Variants in TAMM41 observed in about 807,000 individuals in gnomAD.
TAMM41 encodes the protein phosphatidate cytidylyltransferase, mitochondrial.
Under a neutral mutation model 44.1 loss-of-function variants are expected in TAMM41, and 36 were observed. That is an observed-to-expected ratio of 0.82 (90% confidence interval 0.63 to 1.08). The LOEUF is 1.08. TAMM41 is among the 50% of genes least tolerant of loss of function. TAMM41 has a pLI of 0.00. For missense variants in TAMM41, 417 were observed against 404.3 expected (o/e 1.03, Z -0.27); for synonymous variants, 164 against 153.1 (o/e 1.07, Z -0.53).
At chr3:11,740,998 A>C in the TAMM41 span, among the ~76,000 whole-genome samples, 1 of 141,284 alleles carries the variant, frequency 7.1e-6, no homozygotes, top group African/African-American at 2.8e-5. Context: ...AGGTGGATGG[A>C]TTACGAGGTC....
chr3:11,809,158 T>C (rs2078011283), intron 6 of TAMM41: 2 of 313,816 alleles, frequency 6.4e-6, no homozygotes, highest in Non-Finnish European at 1.2e-5. Flanking sequence ...GTGTTCTCGA[T>C]GTTATAAAAG....
chr3:11,725,436 C>CCTTCTCCTT, the TAMM41 span, among the ~76,000 whole-genome samples: 1 of 138,524 alleles, frequency 7.2e-6, no homozygotes, highest in Non-Finnish European at 1.5e-5. Flanking sequence ...TCCTCCTCCT[C>CCTTCTCCTT]CTCCTCCTCC....
the TAMM41 span, among the ~76,000 whole-genome samples, chr3:11,780,169 T>C: frequency 1.3e-5 from 2 of 152,206 alleles, no homozygotes; most frequent in Non-Finnish European, 2.9e-5. Context: ...GGCTCTCCAT[T>C]GCTCTGGGGA....
At chr3:11,800,165 T>C (rs1486377017) in intron 7 of TAMM41, among the ~76,000 whole-genome samples, 3 of 151,996 alleles carry the variant, frequency 2.0e-5, no homozygotes, top group Non-Finnish European at 2.9e-5. Flanking sequence ...ACAGTTCTTA[T>C]AAAACAATCT....
chr3:11,840,281 G>A (rs945720206), intron 2 of TAMM41, among the ~76,000 whole-genome samples: 16 of 150,564 alleles, frequency 1.1e-4, no homozygotes, highest in Admixed American at 6.6e-5. Flanking sequence ...CACCCAGGCT[G>A]GAGTGCACTG....
intron 2 of TAMM41, among the ~76,000 whole-genome samples, chr3:11,841,849 C>T (rs1329012615): frequency 6.6e-6 from 1 of 152,198 alleles, no homozygotes; most frequent in Non-Finnish European, 1.5e-5. Flanking sequence ...AAACTAGCTG[C>T]ACAACCTTAT....
At chr3:11,837,231 T>C (rs897420458) in intron 3 of TAMM41, among the ~76,000 whole-genome samples, 1 of 152,154 alleles carries the variant, frequency 6.6e-6, no homozygotes, top group Non-Finnish European at 1.5e-5. Flanking sequence ...AGCACATCAC[T>C]GTTGGGGGAG....
the TAMM41 span, among the ~76,000 whole-genome samples, chr3:11,777,170 T>C: frequency 2.0e-5 from 3 of 152,236 alleles, no homozygotes; most frequent in Admixed American, 2.0e-4. Flanking sequence ...GATATGGGTA[T>C]GCTAATTAAC....
the TAMM41 span, among the ~76,000 whole-genome samples, chr3:11,754,248 C>T: frequency 6.6e-6 from 1 of 152,210 alleles, no homozygotes; most frequent in African/African-American, 2.4e-5. Flanking sequence ...CTCCCTGTGT[C>T]TCCAGCTCAG....
chr3:11,741,527 G>C, the TAMM41 span, among the ~76,000 whole-genome samples: 1 of 149,942 alleles, frequency 6.7e-6, no homozygotes, highest in Non-Finnish European at 1.5e-5. Flanking sequence ...ATGGCAATCA[G>C]AACACATTTC....
At chr3:11,755,157 A>G in the TAMM41 span, among the ~76,000 whole-genome samples, 3 of 150,796 alleles carry the variant, frequency 2.0e-5, no homozygotes, top group Non-Finnish European at 4.4e-5. Context: ...ACTTTGGCAG[A>G]CAGCAAAGCC....
intron 1 of TAMM41, among the ~76,000 whole-genome samples, chr3:11,844,733 T>TTATAAC (rs2079597815): frequency 6.6e-6 from 1 of 152,232 alleles, no homozygotes; most frequent in Admixed American, 6.5e-5. Flanking sequence ...AGGAAGTCAG[T>TTATAAC]TATTTTATCT....
intron 7 of TAMM41, among the ~76,000 whole-genome samples, chr3:11,798,003 G>A (rs993354573): frequency 1.3e-5 from 2 of 152,168 alleles, no homozygotes; most frequent in African/African-American, 2.4e-5. Flanking sequence ...AACAACAGAA[G>A]CTGGTGAGGT....
intron 1 of TAMM41, among the ~76,000 whole-genome samples, chr3:11,844,542 G>T (rs2079588247): frequency 6.6e-6 from 1 of 152,122 alleles, no homozygotes; most frequent in Non-Finnish European, 1.5e-5. Flanking sequence ...AAGGCACAGG[G>T]GATGCTCTTT....
chr3:11,724,337 A>G, the TAMM41 span, among the ~76,000 whole-genome samples: 2 of 152,086 alleles, frequency 1.3e-5, no homozygotes, highest in Non-Finnish European at 2.9e-5. Flanking sequence ...TCCTGACCTC[A>G]GGTGATCAAC....
chr3:11,839,230 G>A lies in TAMM41; in HGVS notation c.403C>T (p.Gln135Ter). ...WNNLYIAGRL[Q>*]KPVKIISVNE... ...GCCTATAAAACACTCACCGGTTTTT[G>A]GAGTCGTCCAGCAATGTATAAGTTA... The change falls in exon 3 of 8, where the codon CAA becomes TAA. Residue 135 changes from glutamine (Q) to a stop codon, truncating the protein, a stop_gained. Coordinates refer to ENST00000455809, the MANE Select transcript of TAMM41 (RefSeq NM_001284401.2). LOFTEE classifies it high-confidence loss of function. 3.1e-6 allele frequency: 5 copies of A among 1,611,018 alleles called. No homozygotes were observed. Among genetic ancestry groups the A allele is most frequent in the Non-Finnish European group, 4.2e-6 (5 of 1,177,998 alleles).
chr3:11,760,349 T>C, the TAMM41 span, among the ~76,000 whole-genome samples: 2 of 152,204 alleles, frequency 1.3e-5, no homozygotes, highest in African/African-American at 4.8e-5. Context: ...TGAGCTCTCT[T>C]CAAGCCGAAT....
intron 1 of TAMM41, chr3:11,844,932 A>C (rs983966016): frequency 2.2e-6 from 1 of 456,716 alleles, no homozygotes; most frequent in Non-Finnish European, 4.4e-6. Flanking sequence ...CAGGAGGGAG[A>C]AATTCTCCTA....
intron 4 of TAMM41, among the ~76,000 whole-genome samples, chr3:11,828,108 C>T (rs7627085): frequency 0.12 from 18,043 of 152,120 alleles, 2,262 homozygotes; most frequent in East Asian, 0.48. Flanking sequence ...GGGATAGAAA[C>T]CAATCAATTC....
Sources: allele counts gnomAD v4.1 joint callset (sites outside exome capture counted in the v4.1 genomes callset), GRCh38; gene constraint gnomAD v4.1.1; transcripts MANE v1.5; gene names NCBI Gene and HGNC (gene_info 2026-07-23, HGNC 2026-07-21).